The following RPL6 variants were observed in gnomAD, a reference collection of about 807,000 sequenced individuals.
The protein encoded by RPL6 is ribosomal protein L6, also known as large ribosomal subunit protein eL6.
Under a neutral mutation model 32.1 loss-of-function variants are expected in RPL6, and 1 was observed. The observed-to-expected ratio is 0.03, with a 90% CI of 0.01 to 0.15. RPL6 has a LOEUF of 0.15. Ranked by LOEUF, RPL6 falls within the 10% of genes least tolerant of loss-of-function variation. RPL6 has a pLI of 1.00. For missense variants in RPL6, 275 were observed against 354.6 expected, an observed-to-expected ratio of 0.78 and a Z score of 1.80; for synonymous variants, 126 against 131.6, an observed-to-expected ratio of 0.96 and a Z score of 0.29.
upstream of RPL6, among the ~76,000 whole-genome samples, chr12:112,412,610 G>A (rs955255253): frequency 6.6e-6 from 1 of 152,038 alleles, no homozygotes; most frequent in Non-Finnish European, 1.5e-5. Context: ...GAGTAGCTGG[G>A]AGTACAGTGC....
At chr12:112,409,414 CT>C (rs1250548949) in intron 1 of RPL6, 172 bp downstream of exon 1, 2 of 398,524 alleles carry the variant, frequency 5.0e-6, no homozygotes, top group Non-Finnish European at 8.8e-6. Flanking sequence ...ACCTCACCCT[CT>C]TTGTGCCCTG....
intron 1 of RPL6, among the ~76,000 whole-genome samples, chr12:112,416,020 G>A (rs149237772): frequency 1.0e-3 from 149 of 147,142 alleles, no homozygotes; most frequent in African/African-American, 3.2e-3. Flanking sequence ...GTGCAGTGGC[G>A]CAATCTTGGC....
At chr12:112,408,881 T>C (rs1446812167) in intron 1 of RPL6, 3 of 506,924 alleles carry the variant, frequency 5.9e-6, no homozygotes, top group Non-Finnish European at 1.0e-5. Flanking sequence ...TTTTGAGAAT[T>C]TGAAACTACC....
rs770778155 is a variant in RPL6, at chr12:112,406,755, T to C, written c.472A>G (p.Arg158Gly). The C allele has an allele frequency of 9.3e-6, 15 of 1,614,172 alleles. No homozygotes were observed. The highest frequency in any genetic ancestry group is 1.2e-5 in the Non-Finnish European group (14 of 1,180,012). ...TILIILTGRH[R>G]GKRVVFLKQL... ...AGCACAGGTACTCTCACCTTGCCCCTGTGGCGTCCAGTGAGGATGATCAGA... is the reference window on the plus strand; with the variant it reads ...AGCACAGGTACTCTCACCTTGCCCCCGTGGCGTCCAGTGAGGATGATCAGA... The change falls in exon 4 of 7, where the codon AGG becomes GGG. Residue 158 changes from arginine to glycine, a missense_variant. Transcript: ENST00000202773.
chr12:112,412,195 A>C (rs1477175255), upstream of RPL6, among the ~76,000 whole-genome samples: 1 of 151,976 alleles, frequency 6.6e-6, no homozygotes, highest in African/African-American at 2.4e-5. Flanking sequence ...GCCCGCCACC[A>C]TGCCTGACTA....
At chr12:112,408,711 C>T (rs913517014) in intron 1 of RPL6, 55 bp from the exon 2 acceptor site, 3 of 1,454,904 alleles carry the variant, frequency 2.1e-6, no homozygotes, top group African/African-American at 1.4e-5. Flanking sequence ...ATCTCTCTAA[C>T]AAGACAATAA....
upstream of RPL6, among the ~76,000 whole-genome samples, chr12:112,413,238 A>G (rs1029467133): frequency 6.6e-6 from 1 of 152,180 alleles, no homozygotes; most frequent in Non-Finnish European, 1.5e-5. Context: ...ATATCTTTTT[A>G]AAATTAAGAT....
intron 5 of RPL6, 84 bp from the exon 6 acceptor site, chr12:112,406,121 C>A: frequency 7.5e-7 from 1 of 1,333,140 alleles, no homozygotes. Context: ...TGTTATGTTG[C>A]TACACAAAGA....
intron 4 of RPL6, 177 bp from the exon 5 acceptor site, chr12:112,406,519 C>A (rs1442062910): frequency 1.3e-6 from 1 of 797,098 alleles, no homozygotes; most frequent in Non-Finnish European, 2.0e-6. Flanking sequence ...GACATAAACA[C>A]GTTTTTGAGT....
At chr12:112,411,696 C>T (rs889218597), upstream of RPL6, among the ~76,000 whole-genome samples, 1 of 152,082 alleles carries the variant, frequency 6.6e-6, no homozygotes, top group South Asian at 2.1e-4. Context: ...AAAATAAAAA[C>T]GTAGATGAAC....
intron 1 of RPL6, 53 bp downstream of exon 1, chr12:112,409,534 G>A (rs2037295583): frequency 7.5e-6 from 3 of 398,494 alleles, no homozygotes; most frequent in Non-Finnish European, 1.3e-5. Context: ...TTCGGATGGC[G>A]AAGGATTGGG....
At position 112,405,277 on chromosome 12, in the gene RPL6, G is replaced by T. The variant is rs748363567; in HGVS notation, c.814C>A (p.Arg272=). ...CCATTCGTCAGAGCAAACACAGATC[G>T]CAGGTAGCCCTGGAGCTGAGGAATA... is the stretch of plus-strand genomic sequence containing the variant. The part of the protein sequence containing the change: ...KAIPQLQGYL[R]SVFALTNGIY... Residue 272 remains arginine (R), a synonymous_variant, in exon 7 of 7, where the codon CGA becomes AGA. Transcript: ENST00000202773. 2 of 1,606,740 alleles carry T rather than the reference G, an allele frequency of 1.2e-6. No individual in the cohort carries two copies. Among genetic ancestry groups the T allele is most frequent in the East Asian group, 2.2e-5 (1 of 44,852 alleles).
chr12:112,407,120 C>A, intron 3 of RPL6: 1 of 447,242 alleles, frequency 2.2e-6, no homozygotes, highest in Non-Finnish European at 4.0e-6. Flanking sequence ...TGTGCTCAAG[C>A]AAAGAAAGCA....
Position 112,406,303 on chromosome 12 carries a change from G to C in RPL6, c.520C>G (p.Leu174Val). Reference sequence around the variant, plus strand: ...CCAAGGATTTTCTTACCAGTCACAAGTAATAAGCCACTAGCCAGCTGCTTC... The same window carrying C: ...CCAAGGATTTTCTTACCAGTCACAACTAATAAGCCACTAGCCAGCTGCTTC... ...FLKQLASGLL[L>V]VTGPLVLNRV... is the part of the protein sequence containing the mutation. The change falls in exon 5 of 7, where the codon CTT becomes GTT. Residue 174 changes from leucine to valine, a missense_variant. Physicochemically the swap from Leu to Val is conservative, Grantham distance 32 (BLOSUM62 1). Transcript: ENST00000202773. 2.5e-6 allele frequency: 4 copies of C among 1,613,038 alleles called. No homozygotes were observed. The highest frequency in any genetic ancestry group is 3.4e-6 in the Non-Finnish European group (4 of 1,179,084).
At position 112,408,666 on chromosome 12, in the gene RPL6, T is replaced by G; in HGVS notation, c.1-10A>C. The G allele has an allele frequency of 6.4e-7, 1 of 1,559,704 alleles. No individual in the cohort carries two copies. Among genetic ancestry groups the G allele is most frequent in the Non-Finnish European group, 8.6e-7 (1 of 1,165,580 alleles). ...CTTTTTCACCCGCCATCTAAAAATA[T>G]TTTTTTGTAGATAAAAAAAGGCATT... On this transcript the variant is annotated splice_polypyrimidine_tract_variant and intron_variant, in intron 1 of 6. Transcript: ENST00000202773.
Position 112,408,561 on chromosome 12 carries a change from G to T in RPL6, c.96C>A (p.Leu32=). The change falls in exon 2 of 7, where the codon CTC becomes CTA. Residue 32 remains leucine (L), a synonymous_variant. Transcript: ENST00000202773. ...TCCCCTTCTTGGGCTTTTTAGCTTT[G>T]AGGTTACCCTTTTTCACCTTGCCAC... The part of the protein sequence containing the change: ...DAGGKVKKGN[L]KAKKPKKGKP... 3 of 1,606,902 alleles carry T rather than the reference G, an allele frequency of 1.9e-6. No homozygotes were observed. The highest frequency in any genetic ancestry group is 2.5e-6 in the Non-Finnish European group (3 of 1,179,556).
Position 112,405,477 on chromosome 12 carries a change from A to G in RPL6, c.715-101T>C, listed in dbSNP as rs2037134170. On this transcript the variant is annotated intron_variant, in intron 6 of 6. Coordinates refer to ENST00000202773, the MANE Select transcript of RPL6 (RefSeq NM_000970.6). ...CTCACAAGTACTAATCCCCAAGAAT[A>G]TTTAGAAAACATTAAAGACAATTTT... The G allele has an allele frequency of 4.2e-6, 5 of 1,197,510 alleles. No homozygotes were observed. The African/African-American group carries it at 4.7e-5, about 11-fold the overall frequency. The allele number at this position is 1,197,510 out of a possible 1,614,324, so 74.2% of individuals were successfully genotyped here.
chr12:112,412,500 G>C (rs972418204), upstream of RPL6, among the ~76,000 whole-genome samples: 4 of 149,936 alleles, frequency 2.7e-5, no homozygotes, highest in Non-Finnish European at 5.9e-5. Flanking sequence ...TTTGGAGACA[G>C]AGTCTCGCTC....
chr12:112,409,574 C>A lies in RPL6; in HGVS notation c.-1+13G>T, dbSNP rs2037297470. ...CTGAACTCAAGTCTTGCAGACAGGC[C>A]CGCGATTCTTACCTTGCAAGATGGG... On this transcript the variant is annotated intron_variant, in intron 1 of 6. Coordinates refer to ENST00000202773, the MANE Select transcript of RPL6 (RefSeq NM_000970.6). 5.0e-6 allele frequency: 2 copies of A among 398,434 alleles called. No individual in the cohort carries two copies. The highest frequency in any genetic ancestry group is 4.1e-5 in the African/African-American group (2 of 48,598). The allele number at this position is 398,434 out of a possible 1,614,324, so 24.7% of individuals were successfully genotyped here. A position where few individuals can be genotyped will look rare whatever the true frequency, so the allele number is the denominator to read the frequency against.
Sources: gnomAD v4.1 joint callset for allele counts (sites outside exome capture counted in the v4.1 genomes callset) on GRCh38, gnomAD v4.1.1 for gene constraint, MANE v1.5 for transcripts, NCBI Gene and HGNC (gene_info 2026-07-23, HGNC 2026-07-21) for gene names.